The following CLVS1 variants were observed in gnomAD, a reference collection of about 807,000 sequenced individuals.
CLVS1 encodes clavesin 1.
A neutral mutation model predicts 33.1 loss-of-function variants in CLVS1; 10 were observed. That is an observed-to-expected ratio of 0.30 (90% CI 0.19 to 0.51). The LOEUF (loss-of-function observed/expected upper bound fraction) is 0.51, where lower values mean the gene tolerates loss of function less well. Among genes scored for constraint, CLVS1 ranks in the 20% least tolerant of loss-of-function variants. CLVS1 has a pLI of 0.97. For synonymous variants in CLVS1, 163 were observed against 166.1 expected (o/e 0.98, Z 0.14); for missense variants, 343 against 433.4 (o/e 0.79, Z 1.85).
intron 1 of CLVS1, among the ~76,000 whole-genome samples, chr8:61,067,680 G>A (rs531370061): frequency 1.3e-5 from 2 of 152,146 alleles, no homozygotes; most frequent in South Asian, 4.2e-4. Flanking sequence ...GGCCAGCCTG[G>A]ACAACATAGA....
intron 1 of CLVS1, among the ~76,000 whole-genome samples, chr8:61,110,158 C>G (rs1481210825): frequency 6.6e-6 from 1 of 152,160 alleles, no homozygotes; most frequent in Non-Finnish European, 1.5e-5. Context: ...GGAAATTAAT[C>G]CCCCTCCCAC....
intron 3 of CLVS1, among the ~76,000 whole-genome samples, chr8:61,381,480 G>A (rs1315625338): frequency 1.3e-5 from 2 of 152,014 alleles, no homozygotes; most frequent in African/African-American, 4.8e-5. Context: ...GTGCAGTTCT[G>A]TTACGTGGGT....
At chr8:61,296,681 A>C (rs114536007) in intron 1 of CLVS1, among the ~76,000 whole-genome samples, 100 of 152,338 alleles carry the variant, frequency 6.6e-4, no homozygotes, top group African/African-American at 2.3e-3. Context: ...ACTGTCCTGG[A>C]GGTACTGAAA....
chr8:61,132,933 C>G (rs1254559918), intron 2 of CLVS1, among the ~76,000 whole-genome samples: 2 of 152,138 alleles, frequency 1.3e-5, no homozygotes, highest in Admixed American at 6.5e-5. Context: ...TGGGAGGAAG[C>G]TTTTGTGGGG....
At chr8:61,445,997 A>G (rs2129606511) in intron 3 of CLVS1, among the ~76,000 whole-genome samples, 1 of 152,274 alleles carries the variant, frequency 6.6e-6, no homozygotes, top group Admixed American at 6.5e-5. Flanking sequence ...CAGGGTCTAT[A>G]GTAGTATGCC....
chr8:61,137,624 C>T (rs1033198011), intron 2 of CLVS1, among the ~76,000 whole-genome samples: 1 of 152,206 alleles, frequency 6.6e-6, no homozygotes, highest in Non-Finnish European at 1.5e-5. Context: ...AAGTCTTACA[C>T]TCTTGCCAGA....
the CLVS1 span, among the ~76,000 whole-genome samples, chr8:60,986,473 C>G: frequency 6.6e-6 from 1 of 152,208 alleles, no homozygotes; most frequent in African/African-American, 2.4e-5. Flanking sequence ...ATTCCATACT[C>G]TTTGACTTTT....
At chr8:61,142,185 G>T (rs1338104040) in intron 2 of CLVS1, among the ~76,000 whole-genome samples, 2 of 152,154 alleles carry the variant, frequency 1.3e-5, no homozygotes, top group Non-Finnish European at 2.9e-5. Flanking sequence ...GATCATGGGG[G>T]TGGTTTCCCC....
intron 5 of CLVS1, among the ~76,000 whole-genome samples, chr8:61,492,942 T>C (rs1310048931): frequency 6.6e-6 from 1 of 152,214 alleles, no homozygotes; most frequent in African/African-American, 2.4e-5. Flanking sequence ...ATACATGTCC[T>C]ACAAATATTC....
intron 2 of CLVS1, among the ~76,000 whole-genome samples, chr8:61,267,983 C>A (rs1462798411): frequency 6.6e-6 from 1 of 151,982 alleles, no homozygotes; most frequent in Admixed American, 6.6e-5. Flanking sequence ...TTCATGGGCC[C>A]TGCTGGATAC....
chr8:61,256,757 T>C (rs747682959), intron 2 of CLVS1, among the ~76,000 whole-genome samples: 2 of 152,248 alleles, frequency 1.3e-5, no homozygotes, highest in Non-Finnish European at 2.9e-5. Flanking sequence ...GTGGTTTTTA[T>C]GCATTTTGCT....
intron 1 of CLVS1, among the ~76,000 whole-genome samples, chr8:61,068,543 C>G (rs1336548662): frequency 1.3e-5 from 2 of 152,034 alleles, no homozygotes; most frequent in Non-Finnish European, 2.9e-5. Context: ...ATAGCCTCCC[C>G]CGACTCCTCT....
intron 1 of CLVS1, among the ~76,000 whole-genome samples, chr8:61,109,839 A>G (rs1201503796): frequency 6.6e-6 from 1 of 152,200 alleles, no homozygotes; most frequent in Non-Finnish European, 1.5e-5. Flanking sequence ...TAGCACTCTC[A>G]GCTCCCTCAC....
intron 2 of CLVS1, among the ~76,000 whole-genome samples, chr8:61,245,053 C>T (rs1407766249): frequency 6.6e-6 from 1 of 151,966 alleles, no homozygotes; most frequent in Admixed American, 6.6e-5. Context: ...TATGAAATGC[C>T]ACTTTTTACT....
At chr8:61,070,344 C>T (rs1220735334) in intron 1 of CLVS1, among the ~76,000 whole-genome samples, 1 of 152,228 alleles carries the variant, frequency 6.6e-6, no homozygotes. Context: ...TGCTGGGCTA[C>T]AGTCATGATT....
chr8:61,369,522 C>T (rs1813348399), intron 2 of CLVS1, among the ~76,000 whole-genome samples: 1 of 152,166 alleles, frequency 6.6e-6, no homozygotes, highest in African/African-American at 2.4e-5. Context: ...GGAAACAAAA[C>T]AATTAAAATT....
At chr8:61,120,298 C>G (rs1805829403) in intron 1 of CLVS1, among the ~76,000 whole-genome samples, 1 of 129,694 alleles carries the variant, frequency 7.7e-6, no homozygotes, top group Admixed American at 7.6e-5. Context: ...AAGTTTTCAA[C>G]TTCTTTGCCT....
chr8:61,259,662 C>T (rs779906009), intron 2 of CLVS1, among the ~76,000 whole-genome samples: 17 of 152,238 alleles, frequency 1.1e-4, no homozygotes, highest in Non-Finnish European at 2.4e-4. Flanking sequence ...TTCAATAGCA[C>T]GGCACATGCA....
At chr8:61,037,131 A>G in the CLVS1 span, among the ~76,000 whole-genome samples, 2 of 152,234 alleles carry the variant, frequency 1.3e-5, no homozygotes, top group Non-Finnish European at 2.9e-5. Context: ...TAATATTATT[A>G]GATTTTATTG....
Sources: gnomAD v4.1 joint callset for allele counts (sites outside exome capture counted in the v4.1 genomes callset) on GRCh38, gnomAD v4.1.1 for gene constraint, MANE v1.5 for transcripts, NCBI Gene and HGNC (gene_info 2026-07-23, HGNC 2026-07-21) for gene names.